ICA1: variants seen among roughly 807,000 people sequenced by gnomAD.
ICA1 encodes 69 kDa islet cell autoantigen.
A neutral mutation model predicts 71.0 loss-of-function variants in ICA1; 40 were observed. That is an observed-to-expected ratio of 0.56 (90% confidence interval 0.44 to 0.73). The LOEUF is 0.73. Ranked by LOEUF, ICA1 falls within the 30% of genes least tolerant of loss-of-function variation. The pLI is 0.00. For synonymous variants in ICA1, 207 were observed against 209.5 expected, an observed-to-expected ratio of 0.99 and a Z score of 0.10; for missense variants, 578 against 576.5, an observed-to-expected ratio of 1.00 and a Z score of -0.03.
At chr7:8,228,172 T>C (rs1329217628) in intron 4 of ICA1, among the ~76,000 whole-genome samples, 1 of 152,166 alleles carries the variant, frequency 6.6e-6, no homozygotes, top group Non-Finnish European at 1.5e-5. Context: ...TAATATCCAA[T>C]GCAAAAAACA....
At chr7:8,259,048 C>T (rs1811285899) in intron 1 of ICA1, among the ~76,000 whole-genome samples, 1 of 152,158 alleles carries the variant, frequency 6.6e-6, no homozygotes, top group South Asian at 2.1e-4. Flanking sequence ...ATCAGAGCTA[C>T]CTGAGATGTT....
In ICA1 at chr7:8,226,207, C is replaced by G. The variant is rs1167007722; in HGVS notation, c.256+2394G>C. Among the ~76,000 whole-genome samples, 1 of 152,140 alleles carries G rather than the reference C, an allele frequency of 6.6e-6. No homozygotes were observed. Among genetic ancestry groups the G allele is most frequent in the Non-Finnish European group, 1.5e-5 (1 of 68,028 alleles). ...GGAAGGTATCTCATAGCTCCCTCTT[C>G]ACCTTTGCTCCTCCATTCTCATTCC... On this transcript the variant is annotated intron_variant, in intron 4 of 13. Coordinates refer to ENST00000402384, the MANE Select transcript of ICA1 (RefSeq NM_001136020.3). The surrounding 1 kb of genome is among the most constrained non-coding windows in gnomAD (Gnocchi z 4.4).
At chr7:8,158,415 G>A in intron 7 of ICA1, 112 bp downstream of exon 7, 1 of 1,312,044 alleles carries the variant, frequency 7.6e-7, no homozygotes, top group Admixed American at 2.0e-5. Flanking sequence ...ATTACGGAAA[G>A]GCATTCAGAA....
intron 6 of ICA1, among the ~76,000 whole-genome samples, chr7:8,186,578 G>C (rs558421474): frequency 5.3e-5 from 8 of 152,180 alleles, no homozygotes; most frequent in Non-Finnish European, 8.8e-5. Context: ...GGATGACAGA[G>C]AGATTTCCAG....
intron 6 of ICA1, among the ~76,000 whole-genome samples, chr7:8,176,853 A>G (rs1780784495): frequency 6.6e-6 from 1 of 152,156 alleles, no homozygotes; most frequent in East Asian, 1.9e-4. Context: ...CTGTATTTCT[A>G]TTTCACAAAG....
intron 5 of ICA1, chr7:8,218,871 T>G (rs1418836645): frequency 2.9e-6 from 1 of 348,742 alleles, no homozygotes; most frequent in Non-Finnish European, 5.5e-6. Flanking sequence ...TTTGGCCCTT[T>G]GAGGAGGAAT....
At chr7:8,206,108 A>G (rs994456377) in intron 6 of ICA1, among the ~76,000 whole-genome samples, 2 of 152,136 alleles carry the variant, frequency 1.3e-5, no homozygotes, top group African/African-American at 4.8e-5. Context: ...GATATGTGGG[A>G]AAAGTTGGCT....
intron 6 of ICA1, among the ~76,000 whole-genome samples, chr7:8,209,985 A>G (rs1049067595): frequency 1.3e-5 from 2 of 152,146 alleles, no homozygotes; most frequent in Non-Finnish European, 2.9e-5. Flanking sequence ...TGGGGGAGGT[A>G]GGTCAGAGCC....
intron 6 of ICA1, among the ~76,000 whole-genome samples, chr7:8,214,412 G>A (rs1439542196): frequency 6.6e-6 from 1 of 152,146 alleles, no homozygotes; most frequent in Non-Finnish European, 1.5e-5. Context: ...AATACCTCGT[G>A]GTCTTGGGGT....
rs556338743 is a variant in ICA1 at position 8,226,134 on chromosome 7, T to A, written c.256+2467A>T. The stretch of plus-strand genomic sequence containing the variant: ...CCCACATCTGGCTGGGTTTAAGTAT[T>A]TTTTGAGTCTATGAAATGTTACTAT... On this transcript the variant is annotated intron_variant, in intron 4 of 13. Transcript: ENST00000402384. This position sits in a 1 kb window ranked among gnomAD's most constrained non-coding sequence, Gnocchi z 4.4. Among the ~76,000 whole-genome samples the A allele has an allele frequency of 1.8e-3, 277 of 152,294 alleles. No individual in the cohort carries two copies. The highest frequency in any genetic ancestry group is 3.2e-3 in the Non-Finnish European group (218 of 68,020).
intron 6 of ICA1, among the ~76,000 whole-genome samples, chr7:8,206,061 C>G (rs1339802272): frequency 6.6e-6 from 1 of 152,098 alleles, no homozygotes; most frequent in African/African-American, 2.4e-5. Flanking sequence ...CTCACTGATG[C>G]TAAACATAGA....
intron 1 of ICA1, among the ~76,000 whole-genome samples, chr7:8,261,266 G>A (rs1426212609): frequency 2.0e-5 from 3 of 152,204 alleles, no homozygotes; most frequent in African/African-American, 4.8e-5. Context: ...AGACCCCAAA[G>A]AGAAGCTCAG....
intron 1 of ICA1, among the ~76,000 whole-genome samples, chr7:8,256,289 G>T (rs1810138427): frequency 6.6e-6 from 1 of 151,930 alleles, no homozygotes. Flanking sequence ...TGTTTTAATT[G>T]CTTTCTCTTG....
At chr7:8,192,774 TCTTA>T (rs1454241153) in intron 6 of ICA1, among the ~76,000 whole-genome samples, 1 of 152,230 alleles carries the variant, frequency 6.6e-6, no homozygotes, top group African/African-American at 2.4e-5. Flanking sequence ...GCTCATGGAT[TCTTA>T]CTTTATTCAA....
chr7:8,209,174 C>T (rs192296351), intron 6 of ICA1, among the ~76,000 whole-genome samples: 16 of 152,276 alleles, frequency 1.1e-4, no homozygotes, highest in Admixed American at 3.3e-4. Context: ...CTCTGAAACT[C>T]GAGAGTTAAG....
At position 8,209,000 on chromosome 7, in the gene ICA1, CT is replaced by C. The variant is rs200925329; in HGVS notation, c.579+9304del. Reference sequence around the variant, plus strand: ...CTCAGTAAAACCTGTTATGTTTTGACTGTTGTCATCCATGAAATTCTAGAAG... The same window carrying C: ...CTCAGTAAAACCTGTTATGTTTTGACGTTGTCATCCATGAAATTCTAGAAG... On this transcript the variant is annotated intron_variant, in intron 6 of 13. Coordinates refer to ENST00000402384, the MANE Select transcript of ICA1 (RefSeq NM_001136020.3). Among the ~76,000 whole-genome samples the C allele has an allele frequency of 9.6e-3, 1,468 of 152,290 alleles. 21 individuals are homozygous for C. The highest frequency in any genetic ancestry group is 0.034 in the African/African-American group (1,395 of 41,562).
Position 8,128,001 on chromosome 7 carries a change from C to T in ICA1, c.1202G>A (p.Gly401Asp), listed in dbSNP as rs763971002. The T allele has an allele frequency of 6.2e-7, 1 of 1,614,196 alleles. No homozygotes were observed. The highest frequency in any genetic ancestry group is 1.1e-5 in the South Asian group (1 of 91,082). The change falls in exon 13 of 14, where the codon GGC (glycine) becomes GAC (aspartate). Residue 401 changes from glycine to aspartate, a missense_variant. Transcript: ENST00000402384. ...AGTGGGCACTGGCTCCTTCACTTGG[C>T]CGTCTCCAAACACAGCGGCCCACTC... ...SKEWAAVFGD[G>D]QVKEPVPTMA...
chr7:8,118,502 C>T (rs1268609199), intron 13 of ICA1, among the ~76,000 whole-genome samples: 1 of 152,084 alleles, frequency 6.6e-6, no homozygotes, highest in East Asian at 1.9e-4. Context: ...AATTATACTG[C>T]AATAAAACGA....
intron 13 of ICA1, among the ~76,000 whole-genome samples, chr7:8,121,349 G>A (rs1447137847): frequency 6.6e-6 from 1 of 152,164 alleles, no homozygotes; most frequent in African/African-American, 2.4e-5. Context: ...CTGTGTTCTG[G>A]AAATACGATG....
Sources: gnomAD v4.1 joint callset for allele counts (sites outside exome capture counted in the v4.1 genomes callset) on GRCh38, gnomAD v4.1.1 for gene constraint, Gnocchi (gnomAD v3.1) non-coding constraint, MANE v1.5 for transcripts, NCBI Gene and HGNC (gene_info 2026-07-23, HGNC 2026-07-21) for gene names.